The following AGFG1 variants were observed in gnomAD, a reference collection of about 807,000 sequenced individuals.
The protein encoded by AGFG1 is ArfGAP with FG repeats 1, also known as arf-GAP domain and FG repeat-containing protein 1.
AGFG1 carries 10 observed loss-of-function variants against 60.6 expected under a neutral mutation model. The ratio of observed to expected loss-of-function variants is 0.16; its 90% CI spans 0.10 to 0.28. The LOEUF (loss-of-function observed/expected upper bound fraction) is 0.28, where lower values mean the gene tolerates loss of function less well. AGFG1 is among the 10% of genes least tolerant of loss of function. AGFG1 has a pLI of 1.00. For missense variants in AGFG1, 537 were observed against 676.5 expected (o/e 0.79, Z 2.29); for synonymous variants, 247 against 242.9 (o/e 1.02, Z -0.16).
Position 227,485,267 on chromosome 2 carries a change from CAG to C in AGFG1, c.168-6277_168-6276del, listed in dbSNP as rs756139823. ...TCTTTTTTTTTTTTTTTTTTTGAGA[CAG>C]AGTCTCGCTCAGGCTAGAGTGCAAT... is the stretch of plus-strand genomic sequence containing the variant. On this transcript the variant is annotated intron_variant, in intron 1 of 12. Transcript: ENST00000310078. Among the ~76,000 whole-genome samples, 1,020 of 127,740 alleles carry C rather than the reference CAG, an allele frequency of 8.0e-3. 3 individuals carry two copies. The highest frequency in any genetic ancestry group is 0.012 in the Non-Finnish European group (745 of 62,998). The allele number at this position is 127,740 out of a possible 152,430, so 83.8% of individuals were successfully genotyped here.
At chr2:227,476,895 C>G (rs1690299344) in intron 1 of AGFG1, among the ~76,000 whole-genome samples, 1 of 121,868 alleles carries the variant, frequency 8.2e-6, no homozygotes, top group African/African-American at 3.2e-5. Context: ...TATACTTTCT[C>G]TCTCTCTCTT....
intron 2 of AGFG1, among the ~76,000 whole-genome samples, chr2:227,494,428 C>G (rs1041884597): frequency 6.6e-6 from 1 of 152,178 alleles, no homozygotes; most frequent in East Asian, 1.9e-4. Context: ...TAAAAAGGCT[C>G]TATCATACAT....
At chr2:227,538,239 TA>T (rs1410706852) in intron 10 of AGFG1, among the ~76,000 whole-genome samples, 3 of 152,176 alleles carry the variant, frequency 2.0e-5, no homozygotes. Context: ...TGTCATCAAA[TA>T]AATATTTTAA....
chr2:227,510,806 C>CTAA (rs1317493047), intron 2 of AGFG1: 1 of 152,074 alleles, frequency 6.6e-6, no homozygotes, highest in Non-Finnish European at 1.5e-5. Flanking sequence ...TTACTAAGTC[C>CTAA]TTATGGTAGA....
chr2:227,535,417 A>C (rs964557733), intron 8 of AGFG1, among the ~76,000 whole-genome samples: 5 of 152,212 alleles, frequency 3.3e-5, no homozygotes, highest in Non-Finnish European at 7.3e-5. Flanking sequence ...TTAGTTGTAA[A>C]TACAGATTTT....
intron 5 of AGFG1, among the ~76,000 whole-genome samples, chr2:227,530,057 T>C (rs1692113798): frequency 6.6e-6 from 1 of 152,178 alleles, no homozygotes. Context: ...TCTATCTTCC[T>C]GTCTCATGAA....
chr2:227,509,589 A>C (rs1691435921), intron 2 of AGFG1, among the ~76,000 whole-genome samples: 1 of 152,126 alleles, frequency 6.6e-6, no homozygotes, highest in African/African-American at 2.4e-5. Context: ...CACCAATTTA[A>C]ATGGTTCATT....
At chr2:227,478,466 CCCAGGTA>C (rs1690355933) in intron 1 of AGFG1, among the ~76,000 whole-genome samples, 1 of 151,992 alleles carries the variant, frequency 6.6e-6, no homozygotes, top group Non-Finnish European at 1.5e-5. Context: ...ACCTCAGCTT[CCCAGGTA>C]CCTGGGACTA....
chr2:227,498,508 G>A (rs191148195), intron 2 of AGFG1, among the ~76,000 whole-genome samples: 5 of 152,136 alleles, frequency 3.3e-5, no homozygotes, highest in African/African-American at 4.8e-5. Context: ...ATTTATGCAC[G>A]TCTGGCCTTT....
intron 1 of AGFG1, among the ~76,000 whole-genome samples, chr2:227,474,916 T>G (rs142131369): frequency 1.3e-4 from 20 of 152,312 alleles, no homozygotes; most frequent in African/African-American, 4.8e-4. Context: ...AAGATTTCCC[T>G]TGTAAGTTTT....
At chr2:227,509,280 C>T (rs1158627689) in intron 2 of AGFG1, among the ~76,000 whole-genome samples, 3 of 151,950 alleles carry the variant, frequency 2.0e-5, no homozygotes, top group African/African-American at 7.3e-5. Flanking sequence ...ATGAGGAAGC[C>T]CAGAGGAAGA....
At chr2:227,484,777 C>T (rs184501502) in intron 1 of AGFG1, among the ~76,000 whole-genome samples, 2 of 140,550 alleles carry the variant, frequency 1.4e-5, no homozygotes, top group Non-Finnish European at 3.0e-5. Context: ...GATCTTGGCT[C>T]ACTGTAACCT....
intron 5 of AGFG1, among the ~76,000 whole-genome samples, chr2:227,527,815 C>T (rs1355359353): frequency 6.6e-6 from 1 of 152,066 alleles, no homozygotes; most frequent in African/African-American, 2.4e-5. Context: ...TTTTATTTGT[C>T]ATAGATTATG....
intron 8 of AGFG1, among the ~76,000 whole-genome samples, chr2:227,536,024 TA>T (rs1236773306): frequency 1.3e-5 from 2 of 152,294 alleles, no homozygotes; most frequent in Non-Finnish European, 2.9e-5. Context: ...GGTGTCTTTT[TA>T]TTTTTTTTTA....
chr2:227,552,155 A>T, intron 11 of AGFG1, 38 bp downstream of exon 11: 3 of 1,611,114 alleles, frequency 1.9e-6, no homozygotes, highest in Non-Finnish European at 2.5e-6. Context: ...AGTTCATTTT[A>T]TGTATCCTTT....
At chr2:227,544,613 G>A (rs1575114025) in intron 10 of AGFG1, among the ~76,000 whole-genome samples, 1 of 152,286 alleles carries the variant, frequency 6.6e-6, no homozygotes, top group South Asian at 2.1e-4. Flanking sequence ...TTCTTTCTAT[G>A]TTTAGTACTT....
chr2:227,525,973 T>G (rs979984844), intron 5 of AGFG1, among the ~76,000 whole-genome samples: 1 of 152,232 alleles, frequency 6.6e-6, no homozygotes, highest in East Asian at 1.9e-4. Flanking sequence ...ATGATTTGTT[T>G]AGGAAAGTCA....
intron 5 of AGFG1, among the ~76,000 whole-genome samples, chr2:227,528,958 A>G (rs1266018491): frequency 6.6e-6 from 1 of 152,224 alleles, no homozygotes; most frequent in Non-Finnish European, 1.5e-5. Flanking sequence ...AAAGAATGAA[A>G]TAGCTACATG....
At chr2:227,552,829 C>T (rs1300671849) in intron 11 of AGFG1, among the ~76,000 whole-genome samples, 3 of 151,236 alleles carry the variant, frequency 2.0e-5, no homozygotes, top group South Asian at 2.1e-4. Flanking sequence ...TAGAGAAACC[C>T]CGTCTCTACT....
Sources: gnomAD v4.1 joint callset for allele counts (sites outside exome capture counted in the v4.1 genomes callset) on GRCh38, gnomAD v4.1.1 for gene constraint, MANE v1.5 for transcripts, NCBI Gene and HGNC (gene_info 2026-07-23, HGNC 2026-07-21) for gene names.